Variants in ATXN2 observed in about 807,000 individuals in gnomAD.
ATXN2 encodes the protein ataxin-2.
In ATXN2, 37 loss-of-function variants were observed where a neutral mutation model predicts 138.6. The ratio of observed to expected loss-of-function variants is 0.27; its 90% CI spans 0.21 to 0.35. The LOEUF is 0.35. Among genes scored for constraint, ATXN2 ranks in the 10% least tolerant of loss-of-function variants. ATXN2 has a pLI of 1.00. For missense variants in ATXN2, 1,216 were observed against 1,480.3 expected, an observed-to-expected ratio of 0.82 and a Z score of 2.93; for synonymous variants, 549 against 543.7, an observed-to-expected ratio of 1.01 and a Z score of -0.13.
At chr12:111,510,284 T>C in intron 12 of ATXN2, 101 bp downstream of exon 12, 4 of 1,286,620 alleles carry the variant, frequency 3.1e-6, no homozygotes, top group Admixed American at 4.5e-5. Context: ...AAAATACTTG[T>C]CTATGAATAA....
chr12:111,508,654 C>A (rs1389930134), intron 14 of ATXN2, among the ~76,000 whole-genome samples: 2 of 151,868 alleles, frequency 1.3e-5, no homozygotes, highest in Non-Finnish European at 2.9e-5. Context: ...ACCATGTTGA[C>A]CAGGCTGGTC....
rs1566005275 is a variant in ATXN2, at chr12:111,464,327, GTGTGTGTTTGTGTGT to G, written c.2896+320_2896+334del. 9.0e-4 allele frequency among the ~76,000 whole-genome samples: 115 copies of G among 127,728 alleles called. 1 individual carries two copies. Among genetic ancestry groups the G allele is most frequent in the African/African-American group, 5.0e-3 (114 of 22,924 alleles). The allele number at this position is 127,728 out of a possible 152,430, so 83.8% of individuals were successfully genotyped here. A position where few individuals can be genotyped will look rare whatever the true frequency, so the allele number is the denominator to read the frequency against. ...TTTATACCAAGCTTGTGGCTTGGGT[GTGTGTGTTTGTGTGT>G]GTGTGTGTGTGTGTGTGTGTGTGTG... On this transcript the variant is annotated intron_variant, in intron 21 of 24. Coordinates refer to ENST00000673436, the MANE Select transcript of ATXN2 (RefSeq NM_001372574.1).
At chr12:111,569,104 T>C (rs942035972) in intron 1 of ATXN2, among the ~76,000 whole-genome samples, 2 of 152,192 alleles carry the variant, frequency 1.3e-5, no homozygotes, top group East Asian at 1.9e-4. Context: ...TCTAGGATCA[T>C]TGTTTCAAAA....
chr12:111,456,175 G>T lies in ATXN2; in HGVS notation c.3124C>A (p.Pro1042Thr). ...GCAGGTGTCATGGAGGGTGGAGTTG[G>T]CGCAAGCCCCGCGTGGTAAATGGCT... ...QSAIYHAGLA[P>T]TPPSMTPASN... Residue 1042 changes from proline (P) to threonine (T), a missense_variant, in exon 23 of 25, where the codon CCA (proline) becomes ACA (threonine). Pro to Thr is a conservative substitution (Grantham distance 38). Transcript: ENST00000673436. 6.2e-7 allele frequency: 1 copy of T among 1,614,258 alleles called. No individual in the cohort carries two copies.
At chr12:111,475,018 C>A (rs1417953665) in intron 18 of ATXN2, among the ~76,000 whole-genome samples, 2 of 152,108 alleles carry the variant, frequency 1.3e-5, no homozygotes, top group East Asian at 3.9e-4. Context: ...TCGATACCAT[C>A]CTGGCTAACA....
chr12:111,581,662 G>A (rs1726671673), intron 1 of ATXN2: 1 of 724,436 alleles, frequency 1.4e-6, no homozygotes, highest in Admixed American at 1.9e-5. Context: ...ACCTGATCAG[G>A]GCCCAGGCCT....
At chr12:111,475,077 G>T (rs536457395) in intron 18 of ATXN2, among the ~76,000 whole-genome samples, 22 of 152,108 alleles carry the variant, frequency 1.4e-4, no homozygotes, top group Non-Finnish European at 2.2e-4. Flanking sequence ...AGCCGGGTGT[G>T]GTGGCGGGCG....
intron 10 of ATXN2, among the ~76,000 whole-genome samples, chr12:111,515,711 C>T (rs900101179): frequency 3.3e-5 from 5 of 152,148 alleles, no homozygotes; most frequent in African/African-American, 1.2e-4. Context: ...CATGGGCTGT[C>T]GCTCTCAAAA....
At chr12:111,538,233 G>T (rs893960399) in intron 5 of ATXN2, among the ~76,000 whole-genome samples, 2 of 151,922 alleles carry the variant, frequency 1.3e-5, no homozygotes, top group Non-Finnish European at 1.5e-5. Flanking sequence ...GTAATAAAAA[G>T]CAGTATTTAT....
chr12:111,516,305 C>T lies in ATXN2; in HGVS notation c.1224G>A (p.Gln408=), dbSNP rs759429230. The change falls in exon 10 of 25, where the codon CAG becomes CAA. Residue 408 remains glutamine (Q), a synonymous_variant. Coordinates refer to ENST00000673436, the MANE Select transcript of ATXN2 (RefSeq NM_001372574.1). This position sits in a 1 kb window ranked among gnomAD's most constrained non-coding sequence, Gnocchi z 5.0. ...SPSSRPPSRY[Q]SGPNSLPPRA... ...GAGGTGGAAGAGAGTTGGGACCTGA[C>T]TGGTAGCGAGAAGGTGGGCGAGAGG... 1.3e-6 allele frequency: 2 copies of T among 1,584,024 alleles called. No homozygotes were observed. Among genetic ancestry groups the T allele is most frequent in the South Asian group, 2.3e-5 (2 of 86,394 alleles).
At chr12:111,487,531 G>A (rs1877725057) in intron 15 of ATXN2, among the ~76,000 whole-genome samples, 1 of 151,900 alleles carries the variant, frequency 6.6e-6, no homozygotes, top group Non-Finnish European at 1.5e-5. Flanking sequence ...CATGATCTCG[G>A]CTCACTGCAG....
Position 111,598,606 on chromosome 12 carries a change from C to T in ATXN2, c.251+178G>A. ...GACAGGCCTGACAATCCCAGAGGAC[C>T]CCGGCTGCGCCCACCGGCCGAGCCT... On this transcript the variant is annotated intron_variant, in intron 1 of 24. Transcript: ENST00000673436. The surrounding 1 kb of genome is among the most constrained non-coding windows in gnomAD (Gnocchi z 4.5). 3.1e-6 allele frequency: 3 copies of T among 969,098 alleles called. No individual in the cohort carries two copies. The highest frequency in any genetic ancestry group is 1.8e-5 in the African/African-American group (1 of 56,962). 60.0% of individuals were successfully genotyped at this position (969,098 alleles called of 1,614,324 possible). A position where few individuals can be genotyped will look rare whatever the true frequency, so the allele number is the denominator to read the frequency against.
rs756774592 is a variant in ATXN2, at chr12:111,470,119, T to G, written c.2831A>C (p.His944Pro). 6.2e-7 allele frequency: 1 copy of G among 1,613,970 alleles called. No individual in the cohort carries two copies. The highest frequency in any genetic ancestry group is 1.3e-5 in the African/African-American group (1 of 75,018). The change falls in exon 20 of 25, where the codon CAT becomes CCT. Residue 944 changes from histidine to proline, a missense_variant. Coordinates refer to ENST00000673436, the MANE Select transcript of ATXN2 (RefSeq NM_001372574.1). ...AAAGTGCTTCCTACCATACATCGCA[T>G]GCGTCTGCTCATGAGCCCCGTACTG... ...ATQYGAHEQT[H>P]AMYACPKLPY...
intron 5 of ATXN2, among the ~76,000 whole-genome samples, chr12:111,530,730 T>C: frequency 6.7e-6 from 1 of 148,962 alleles, no homozygotes; most frequent in South Asian, 2.1e-4. Flanking sequence ...AGGAGAATGG[T>C]GTGAACCAGG....
chr12:111,528,314 C>T (rs1252788604), intron 5 of ATXN2, among the ~76,000 whole-genome samples: 1 of 151,988 alleles, frequency 6.6e-6, no homozygotes, highest in African/African-American at 2.4e-5. Flanking sequence ...TGAGTCAAGC[C>T]GTCTTCAAAC....
intron 1 of ATXN2, among the ~76,000 whole-genome samples, chr12:111,572,934 A>C (rs373910266): frequency 5.3e-5 from 8 of 152,260 alleles, no homozygotes; most frequent in Admixed American, 1.3e-4. Flanking sequence ...ATATCGTACA[A>C]CACTACTTTT....
At chr12:111,522,768 G>T (rs1880250417) in intron 6 of ATXN2, among the ~76,000 whole-genome samples, 1 of 151,942 alleles carries the variant, frequency 6.6e-6, no homozygotes, top group Non-Finnish European at 1.5e-5. Context: ...CAAAAAATTA[G>T]CCAGATGTGG....
At chr12:111,569,688 C>A (rs1883206060) in intron 1 of ATXN2, among the ~76,000 whole-genome samples, 1 of 152,146 alleles carries the variant, frequency 6.6e-6, no homozygotes, top group Non-Finnish European at 1.5e-5. Flanking sequence ...TGGACTCCAG[C>A]CTGAGTGACA....
At chr12:111,537,582 C>CA (rs751737186) in intron 5 of ATXN2, among the ~76,000 whole-genome samples, 227 of 96,652 alleles carry the variant, frequency 2.3e-3, no homozygotes, top group Non-Finnish European at 3.5e-3. Context: ...GACTCTGTTT[C>CA]AAAAAAAAAA....
Sources: allele counts gnomAD v4.1 joint callset (sites outside exome capture counted in the v4.1 genomes callset), GRCh38; gene constraint gnomAD v4.1.1; non-coding constraint Gnocchi (gnomAD v3.1); transcripts MANE v1.5; gene names NCBI Gene and HGNC (gene_info 2026-07-23, HGNC 2026-07-21).